Variants in USH1C observed in about 807,000 individuals in gnomAD.
USH1C encodes harmonin.
USH1C carries 90 observed loss-of-function variants against 119.3 expected under a neutral mutation model. The observed-to-expected ratio is 0.75, with a 90% CI of 0.64 to 0.90. The LOEUF is 0.90. Ranked by LOEUF, USH1C falls within the 40% of genes least tolerant of loss-of-function variation. The pLI, the probability that USH1C is intolerant of heterozygous loss-of-function variation, is 0.00. For missense variants in USH1C, 1,165 were observed against 1,167.7 expected (o/e 1.00, Z 0.03); for synonymous variants, 465 against 443.3 (o/e 1.05, Z -0.62).
At chr11:17,496,895 C>A (rs1202378843) in intron 24 of USH1C, 82 bp from the exon 25 acceptor site, 2 of 1,543,654 alleles carry the variant, frequency 1.3e-6, no homozygotes, top group Non-Finnish European at 1.8e-6. Context: ...CATTTCTGGG[C>A]CCCATGGCCT....
At chr11:17,521,301 A>G in intron 13 of USH1C, 45 bp downstream of exon 13, 5 of 1,604,468 alleles carry the variant, frequency 3.1e-6, no homozygotes, top group Non-Finnish European at 4.3e-6. Flanking sequence ...TCCCCTGAGC[A>G]CACTGATGTT....
rs913323843 is a variant in USH1C at position 17,509,519 on chromosome 11, G to A, written c.1850C>T (p.Thr617Ile). 1.9e-6 allele frequency: 3 copies of A among 1,608,182 alleles called. No homozygotes were observed. Among genetic ancestry groups the A allele is most frequent in the Non-Finnish European group, 2.5e-6 (3 of 1,176,910 alleles). Residue 617 changes from threonine to isoleucine, a missense_variant, in exon 18 of 27, where the codon ACT becomes ATT. Physicochemically the swap from Thr to Ile is moderately conservative, Grantham distance 89 (BLOSUM62 -1). Transcript: ENST00000005226. ...PPPSVPTQDL[T>I]PTRPLPSALE... is the part of the protein sequence containing the mutation. ...CGCCGAGGGCAGTGGGCGGGTGGGA[G>A]TGAGGTCTTGGGTGGGAACGGATGG...
At position 17,523,719 on chromosome 11, in the gene USH1C, A is replaced by T. The variant is rs564342133; in HGVS notation, c.760-241T>A. On this transcript the variant is annotated intron_variant, in intron 9 of 26. Transcript: ENST00000005226. ...ATCAACTATCAAATATTATACCATT[A>T]CATGTTCATTTCTTTGGCTAAATTT... is the stretch of plus-strand genomic sequence containing the variant. Among the ~76,000 whole-genome samples the T allele has an allele frequency of 2.4e-4, 37 of 152,338 alleles. 1 individual carries two copies. In the South Asian group the frequency reaches 7.3e-3, roughly 30 times the overall value.
intron 23 of USH1C, among the ~76,000 whole-genome samples, chr11:17,499,667 G>T (rs1302746602): frequency 6.6e-6 from 1 of 152,242 alleles, no homozygotes; most frequent in Admixed American, 6.5e-5. Context: ...GCCCAGCTGG[G>T]CAGGTCCCCC....
chr11:17,509,832 T>C lies in USH1C; in HGVS notation c.1537A>G (p.Thr513Ala), dbSNP rs1436312876. 5.0e-6 allele frequency: 8 copies of C among 1,594,086 alleles called. No homozygotes were observed. The highest frequency in any genetic ancestry group is 2.7e-5 in the African/African-American group (2 of 74,788). ...GAAGGCGGGGGAGGCGGGGGCCCTG[T>C]GGTCATCTGGGGGTGTTGCAAGGAA... ...SADNEISEMTTGPPPPPPSVS... is the reference protein window; with the variant it reads ...SADNEISEMTAGPPPPPPSVS... The change falls in exon 18 of 27, where the codon ACA becomes GCA. Residue 513 changes from threonine (T) to alanine (A), a missense_variant. By Grantham distance (58) the Thr-to-Ala change is moderately conservative. Coordinates refer to ENST00000005226, the MANE Select transcript of USH1C (RefSeq NM_153676.4).
chr11:17,513,153 G>T (rs1849966860), intron 15 of USH1C, among the ~76,000 whole-genome samples: 2 of 152,166 alleles, frequency 1.3e-5, no homozygotes, highest in South Asian at 4.1e-4. Context: ...AGTCTTCGAG[G>T]TCCTAGTTTT....
intron 18 of USH1C, among the ~76,000 whole-genome samples, chr11:17,507,013 G>T (rs1849675680): frequency 6.6e-6 from 1 of 152,232 alleles, no homozygotes; most frequent in Non-Finnish European, 1.5e-5. Context: ...AGTGCCTGTG[G>T]ATAGATCTGG....
chr11:17,539,224 G>A (rs1251460490), intron 1 of USH1C, among the ~76,000 whole-genome samples: 2 of 152,056 alleles, frequency 1.3e-5, no homozygotes, highest in Non-Finnish European at 2.9e-5. Flanking sequence ...ACAGCACTTT[G>A]TCCCCAACTC....
At chr11:17,496,968 G>A in intron 24 of USH1C, 155 bp from the exon 25 acceptor site, 1 of 757,730 alleles carries the variant, frequency 1.3e-6, no homozygotes, top group Non-Finnish European at 2.1e-6. Flanking sequence ...GACTTCCATG[G>A]TCTGAGGACG....
chr11:17,510,370 C>A, intron 17 of USH1C, 35 bp downstream of exon 17: 2 of 1,551,544 alleles, frequency 1.3e-6, no homozygotes, highest in South Asian at 2.2e-5. Context: ...CTGAAGACAG[C>A]AGGAGGGTCT....
intron 14 of USH1C, 35 bp downstream of exon 14, chr11:17,520,835 T>G: frequency 6.2e-7 from 1 of 1,613,642 alleles, no homozygotes; most frequent in Non-Finnish European, 8.5e-7. Flanking sequence ...TCTGACTAGT[T>G]CCCTTAGCCT....
chr11:17,521,892 G>A (rs1241832103), intron 12 of USH1C, among the ~76,000 whole-genome samples: 4 of 152,276 alleles, frequency 2.6e-5, no homozygotes, highest in African/African-American at 7.2e-5. Context: ...TCAGTGGTGC[G>A]ATATCAGCTC....
chr11:17,539,953 TC>T (rs1851391465), intron 1 of USH1C, among the ~76,000 whole-genome samples: 1 of 151,024 alleles, frequency 6.6e-6, no homozygotes, highest in African/African-American at 2.4e-5. Context: ...TGCCTCAACC[TC>T]TCAAGTAGCT....
rs142730611 is a variant in USH1C, at chr11:17,527,255, C to T, written c.464G>A (p.Arg155Gln). 17 of 1,608,568 alleles carry T rather than the reference C, an allele frequency of 1.1e-5. No individual in the cohort carries two copies. Among genetic ancestry groups the T allele is most frequent in the South Asian group, 4.4e-5 (4 of 90,800 alleles). Residue 155 changes from arginine (R) to glutamine (Q), a missense_variant, in exon 5 of 27, where the codon CGA (arginine) becomes CAA (glutamine). Physicochemically the swap from Arg to Gln is conservative, Grantham distance 43. Transcript: ENST00000005226. ...CTHEEVINLI[R>Q]TKKTVSIKVR... Reference sequence around the variant, plus strand: ...TTTGATGGACACAGTTTTCTTGGTTCGAATGAGGTTGATGACCTCCTCATG... The same window carrying T: ...TTTGATGGACACAGTTTTCTTGGTTTGAATGAGGTTGATGACCTCCTCATG...
At position 17,523,717 on chromosome 11, in the gene USH1C, T is replaced by A. The variant is rs546033237; in HGVS notation, c.760-239A>T. ...TTATCAACTATCAAATATTATACCA[T>A]TACATGTTCATTTCTTTGGCTAAAT... On this transcript the variant is annotated intron_variant, in intron 9 of 26. Coordinates refer to ENST00000005226, the MANE Select transcript of USH1C (RefSeq NM_153676.4). Among the ~76,000 whole-genome samples, 37 of 152,346 alleles carry A rather than the reference T, an allele frequency of 2.4e-4. 1 individual carries two copies. In the South Asian group the frequency reaches 7.3e-3, roughly 30 times the overall value.
chr11:17,527,388 C>T, intron 4 of USH1C, 57 bp from the exon 5 acceptor site: 3 of 1,334,034 alleles, frequency 2.2e-6, no homozygotes, highest in Non-Finnish European at 3.2e-6. Flanking sequence ...GGCAGTGGGG[C>T]AGACTCACCA....
Position 17,501,464 on chromosome 11 carries a change from C to T in USH1C, c.2280+18G>A. On this transcript the variant is annotated intron_variant, in intron 22 of 26. Transcript: ENST00000005226. ...CAGAGAGGGATGGCGGCCCACCGGCCTCCACATGCCCAGGTACCTTCTTGA... is the reference window on the plus strand; with the variant it reads ...CAGAGAGGGATGGCGGCCCACCGGCTTCCACATGCCCAGGTACCTTCTTGA... 1 of 1,611,874 alleles carries T rather than the reference C, an allele frequency of 6.2e-7. No individual in the cohort carries two copies. The highest frequency in any genetic ancestry group is 8.5e-7 in the Non-Finnish European group (1 of 1,179,014).
intron 1 of USH1C, among the ~76,000 whole-genome samples, chr11:17,542,143 GAGAGATTAAGTAACTTGCTCAAGGTCAC>G (rs1851496864): frequency 6.6e-6 from 1 of 152,236 alleles, no homozygotes; most frequent in African/African-American, 2.4e-5. Context: ...CTGAGGCACA[GAGAGATTAAGTAACTTGCTCAAGGTCAC>G]AGAGCACTTT....
At position 17,523,318 on chromosome 11, in the gene USH1C, C is replaced by T. The variant is rs189575414; in HGVS notation, c.820-51G>A. 3,931 of 1,614,034 alleles carry T rather than the reference C, an allele frequency of 2.4e-3. 6 individuals are homozygous for T. Among genetic ancestry groups the T allele is most frequent in the Non-Finnish European group, 3.0e-3 (3,555 of 1,179,892 alleles). ...CGAGGCCTGACAGACCACAGCAGTCCAGGCAGAGAGCACAGAAGGCCCCAG... is the reference window on the plus strand; with the variant it reads ...CGAGGCCTGACAGACCACAGCAGTCTAGGCAGAGAGCACAGAAGGCCCCAG... On this transcript the variant is annotated intron_variant, in intron 10 of 26. Coordinates refer to ENST00000005226, the MANE Select transcript of USH1C (RefSeq NM_153676.4).
Sources: gnomAD v4.1 joint callset for allele counts (sites outside exome capture counted in the v4.1 genomes callset) on GRCh38, gnomAD v4.1.1 for gene constraint, MANE v1.5 for transcripts, NCBI Gene and HGNC (gene_info 2026-07-23, HGNC 2026-07-21) for gene names.